Variants in FRY observed in about 807,000 individuals in gnomAD.
FRY encodes protein furry homolog.
FRY carries 128 observed loss-of-function variants against 348.4 expected under a neutral mutation model. That is an observed-to-expected ratio of 0.37 (90% confidence interval 0.32 to 0.43). The LOEUF (loss-of-function observed/expected upper bound fraction) is 0.43. FRY is among the 20% of genes least tolerant of loss of function. The probability of loss-of-function intolerance (pLI) is 1.00; values close to 1 mark genes in which losing one functional copy is unlikely to be tolerated. For missense variants in FRY, 2,736 were observed against 3,695.2 expected (o/e 0.74, Z 6.73); for synonymous variants, 1,370 against 1,374.7 (o/e 1.00, Z 0.08).
intron 23 of FRY, 91 bp downstream of exon 23, chr13:32,179,890 C>T: frequency 3.9e-6 from 5 of 1,291,804 alleles, no homozygotes; most frequent in South Asian, 2.4e-5. Flanking sequence ...TGTGTGTTGG[C>T]GTGTGCCCAG....
intron 41 of FRY, among the ~76,000 whole-genome samples, chr13:32,232,809 A>G (rs1274689968): frequency 1.3e-5 from 2 of 152,238 alleles, no homozygotes; most frequent in Admixed American, 1.3e-4. Context: ...AAAGAAAAAG[A>G]AACCTTTTCC....
chr13:32,196,094 T>C (rs752099936), intron 29 of FRY, among the ~76,000 whole-genome samples: 1 of 152,226 alleles, frequency 6.6e-6, no homozygotes, highest in Non-Finnish European at 1.5e-5. Flanking sequence ...TTTTCAGCTC[T>C]TGCTTGATTT....
intron 58 of FRY, among the ~76,000 whole-genome samples, chr13:32,283,816 T>C (rs938582113): frequency 2.6e-5 from 4 of 152,218 alleles, no homozygotes; most frequent in African/African-American, 9.6e-5. Context: ...ACTGCTTTAG[T>C]AGTGTTTTCT....
chr13:32,201,527 A>C (rs567995513), intron 29 of FRY, among the ~76,000 whole-genome samples: 37 of 152,374 alleles, frequency 2.4e-4, no homozygotes, highest in African/African-American at 7.2e-4. Context: ...CACTTAATAA[A>C]TTTAGAAGAA....
intron 54 of FRY, 132 bp from the exon 55 acceptor site, chr13:32,267,038 A>G (rs902730724): frequency 3.6e-6 from 3 of 823,120 alleles, no homozygotes; most frequent in African/African-American, 3.4e-5. Context: ...CAAGTCCCCA[A>G]AGCAACTTCA....
chr13:32,103,891 G>A (rs976266320), intron 3 of FRY, among the ~76,000 whole-genome samples: 4 of 151,996 alleles, frequency 2.6e-5, no homozygotes, highest in African/African-American at 9.7e-5. Context: ...CACTTGAGGA[G>A]GTGGAGGTTG....
At chr13:32,049,997 G>A (rs534241587) in intron 1 of FRY, among the ~76,000 whole-genome samples, 1 of 152,190 alleles carries the variant, frequency 6.6e-6, no homozygotes, top group Non-Finnish European at 1.5e-5. Context: ...AGGTGATGGC[G>A]GGGTTCTCTC....
intron 1 of FRY, among the ~76,000 whole-genome samples, chr13:32,053,780 T>A (rs1474480367): frequency 6.6e-6 from 1 of 152,220 alleles, no homozygotes; most frequent in Non-Finnish European, 1.5e-5. Context: ...TGAGCTAGAC[T>A]AGGTTGTCTC....
At position 32,225,862 on chromosome 13, in the gene FRY, T is replaced by A; in HGVS notation, c.5094T>A (p.Ser1698=). 1 of 1,614,012 alleles carries A rather than the reference T, an allele frequency of 6.2e-7. No homozygotes were observed. Reference sequence around the variant, plus strand: ...TTCTTCACCTCTTGATTGCCCTCTCTTGCAACAGCAATTTCCATTCCATTG... The same window carrying A: ...TTCTTCACCTCTTGATTGCCCTCTCATGCAACAGCAATTTCCATTCCATTG... The part of the protein sequence containing the change: ...KLLLHLLIAL[S]CNSNFHSIAS... Residue 1698 remains serine (S), a synonymous_variant, in exon 39 of 61, where the codon TCT becomes TCA. Coordinates refer to ENST00000542859, the MANE Select transcript of FRY (RefSeq NM_023037.3).
chr13:32,181,822 G>A (rs1882733124), intron 23 of FRY, among the ~76,000 whole-genome samples: 1 of 152,018 alleles, frequency 6.6e-6, no homozygotes, highest in Non-Finnish European at 1.5e-5. Flanking sequence ...AAGTGTATCT[G>A]TCTAATTTTT....
rs571634037 is a variant in FRY at position 32,296,860 on chromosome 13, C to T, written c.*1400C>T. ...TCAAAACTGTGAGCTTCAACCAATTCTCTGTAATCAACCAAAGAGAAAAAT... is the reference window on the plus strand; with the variant it reads ...TCAAAACTGTGAGCTTCAACCAATTTTCTGTAATCAACCAAAGAGAAAAAT... On this transcript the variant is annotated 3_prime_UTR_variant, in exon 61 of 61. Coordinates refer to ENST00000542859, the MANE Select transcript of FRY (RefSeq NM_023037.3). The T allele has an allele frequency of 1.3e-5, 2 of 152,298 alleles. No individual in the cohort carries two copies. Among genetic ancestry groups the T allele is most frequent in the Admixed American group, 6.5e-5 (1 of 15,300 alleles). 9.4% of individuals were successfully genotyped at this position (152,298 alleles called of 1,614,324 possible).
chr13:32,037,838 T>G (rs1872597250), intron 1 of FRY, among the ~76,000 whole-genome samples: 1 of 152,224 alleles, frequency 6.6e-6, no homozygotes, highest in African/African-American at 2.4e-5. Flanking sequence ...CTAATCGTCT[T>G]ATTAGTAACT....
At chr13:32,055,797 AT>A (rs1873592114) in intron 1 of FRY, among the ~76,000 whole-genome samples, 1 of 152,230 alleles carries the variant, frequency 6.6e-6, no homozygotes, top group Non-Finnish European at 1.5e-5. Context: ...GAAAAAGAAC[AT>A]TTAGTGTACT....
In FRY at chr13:32,078,953, G is replaced by A; in HGVS notation, c.190G>A (p.Glu64Lys). ...TGTGGACCCAGACAGTAAACCAGGA[G>A]AATATGTCCTCAAAAGTTTATTTGT... ...INVDPDSKPGEYVLKSLFVNF... is the reference protein window; with the variant it reads ...INVDPDSKPGKYVLKSLFVNF... The change falls in exon 2 of 61, where the codon GAA becomes AAA. Residue 64 changes from glutamate (E) to lysine (K), a missense_variant. Glu to Lys is a moderately conservative substitution (Grantham distance 56). Coordinates refer to ENST00000542859, the MANE Select transcript of FRY (RefSeq NM_023037.3). The A allele has an allele frequency of 6.2e-7, 1 of 1,613,916 alleles. No homozygotes were observed. The highest frequency in any genetic ancestry group is 8.5e-7 in the Non-Finnish European group (1 of 1,179,798).
chr13:32,044,625 A>T (rs1467289979), intron 1 of FRY, among the ~76,000 whole-genome samples: 2 of 152,084 alleles, frequency 1.3e-5, no homozygotes, highest in Non-Finnish European at 2.9e-5. Flanking sequence ...CTCCCGCCCC[A>T]CTTTTCCTCT....
intron 55 of FRY, 81 bp downstream of exon 55, chr13:32,267,440 T>C: frequency 8.1e-7 from 1 of 1,236,834 alleles, no homozygotes; most frequent in Admixed American, 1.7e-5. Context: ...GAGGTTGTTC[T>C]TCTGTTCTGG....
intron 2 of FRY, among the ~76,000 whole-genome samples, chr13:32,097,010 T>A (rs971841440): frequency 5.3e-5 from 8 of 152,152 alleles, no homozygotes; most frequent in East Asian, 1.9e-4. Flanking sequence ...TTCCTTCATA[T>A]GTATGCAAAA....
chr13:32,078,573 A>C (rs1439881553), intron 1 of FRY, among the ~76,000 whole-genome samples: 1 of 152,234 alleles, frequency 6.6e-6, no homozygotes, highest in African/African-American at 2.4e-5. Flanking sequence ...TTGATCAGCT[A>C]TATTATGAGC....
In FRY at chr13:32,239,887, C is replaced by CTTTTTTTTTTTTT; in HGVS notation, c.6687+17_6687+18insTTTTTTTTTTTTT. 2 of 1,260,068 alleles carry CTTTTTTTTTTTTT rather than the reference C, an allele frequency of 1.6e-6. No individual in the cohort carries two copies. Among genetic ancestry groups the CTTTTTTTTTTTTT allele is most frequent in the Non-Finnish European group, 1.1e-6 (1 of 909,008 alleles). 78.1% of individuals were successfully genotyped at this position (1,260,068 alleles called of 1,614,324 possible). ...TGGTTACCTACCTGGCAGAGGTAAGCTTTTTTTTTTTGTTTTTTGAGACAG... is the reference window on the plus strand; with the variant it reads ...TGGTTACCTACCTGGCAGAGGTAAGCTTTTTTTTTTTTTTTTTTTTTTTTGTTTTTTGAGACAG... On this transcript the variant is annotated splice_region_variant and intron_variant, in intron 46 of 60. Coordinates refer to ENST00000542859, the MANE Select transcript of FRY (RefSeq NM_023037.3). This position sits in a 1 kb window ranked among gnomAD's most constrained non-coding sequence, Gnocchi z 4.3.
Sources: gnomAD v4.1 joint callset for allele counts (sites outside exome capture counted in the v4.1 genomes callset) on GRCh38, gnomAD v4.1.1 for gene constraint, Gnocchi (gnomAD v3.1) non-coding constraint, MANE v1.5 for transcripts, NCBI Gene and HGNC (gene_info 2026-07-23, HGNC 2026-07-21) for gene names.